CDH4: variants seen among roughly 807,000 people sequenced by gnomAD.
CDH4 encodes cadherin-4.
A neutral mutation model predicts 86.0 loss-of-function variants in CDH4; 33 were observed. That is an observed-to-expected ratio of 0.38 (90% confidence interval 0.29 to 0.51). The LOEUF (loss-of-function observed/expected upper bound fraction) is 0.51. Among genes scored for constraint, CDH4 ranks in the 20% least tolerant of loss-of-function variants. The pLI is 0.86. For missense variants in CDH4, 1,114 were observed against 1,307.4 expected (o/e 0.85, Z 2.28); for synonymous variants, 555 against 549.4 (o/e 1.01, Z -0.14).
At chr20:61,371,840 C>A (rs1450796452) in intron 2 of CDH4, among the ~76,000 whole-genome samples, 1 of 152,228 alleles carries the variant, frequency 6.6e-6, no homozygotes, top group Non-Finnish European at 1.5e-5. Context: ...AATCTGAAAT[C>A]TTTTCCTGCG....
chr20:61,307,465 C>T (rs1482070504), intron 2 of CDH4, among the ~76,000 whole-genome samples: 3 of 152,248 alleles, frequency 2.0e-5, no homozygotes, highest in Admixed American at 2.0e-4. Context: ...CTCCAACACA[C>T]GTTGCGCGTA....
chr20:61,686,026 A>G (rs1197472794), intron 2 of CDH4, among the ~76,000 whole-genome samples: 2 of 152,240 alleles, frequency 1.3e-5, no homozygotes, highest in African/African-American at 4.8e-5. Flanking sequence ...GAAGGCAAAA[A>G]TAATGTCAAT....
chr20:61,911,513 A>G (rs1027641707), intron 9 of CDH4, among the ~76,000 whole-genome samples: 1 of 152,260 alleles, frequency 6.6e-6, no homozygotes, highest in East Asian at 1.9e-4. Context: ...CTAAGAAGAA[A>G]AGAGCAAGAG....
chr20:61,409,333 A>T (rs1475376782), intron 2 of CDH4, among the ~76,000 whole-genome samples: 1 of 152,262 alleles, frequency 6.6e-6, no homozygotes, highest in Non-Finnish European at 1.5e-5. Flanking sequence ...CAGACTCAGC[A>T]TCAAAAGGGG....
At chr20:61,729,000 G>A (rs2088146316) in intron 2 of CDH4, among the ~76,000 whole-genome samples, 1 of 152,166 alleles carries the variant, frequency 6.6e-6, no homozygotes, top group African/African-American at 2.4e-5. Context: ...GGCAGCAGCG[G>A]TGCCCCGATG....
At chr20:61,502,610 C>T (rs944716876) in intron 2 of CDH4, among the ~76,000 whole-genome samples, 1 of 152,170 alleles carries the variant, frequency 6.6e-6, no homozygotes, top group African/African-American at 2.4e-5. Context: ...TCCCTCTAAC[C>T]CTGATACTGC....
chr20:61,516,176 C>T lies in CDH4; in HGVS notation c.170-227387C>T, dbSNP rs892806945. On this transcript the variant is annotated intron_variant, in intron 2 of 15. Transcript: ENST00000614565. This position sits in a 1 kb window ranked among gnomAD's most constrained non-coding sequence, Gnocchi z 4.0. ...CCCTTGGGCCGTGGGCCGGAGGGGA[C>T]GCTGGCCACCTCTCTTACCCTAGAA... Among the ~76,000 whole-genome samples, 3 of 152,166 alleles carry T rather than the reference C, an allele frequency of 2.0e-5. No individual in the cohort carries two copies. Among genetic ancestry groups the T allele is most frequent in the Non-Finnish European group, 4.4e-5 (3 of 68,018 alleles).
intron 2 of CDH4, among the ~76,000 whole-genome samples, chr20:61,487,538 G>A (rs1055240636): frequency 3.3e-5 from 5 of 152,210 alleles, no homozygotes; most frequent in African/African-American, 1.2e-4. Context: ...CAGGGAGTTT[G>A]TGTCTCAACT....
intron 2 of CDH4, among the ~76,000 whole-genome samples, chr20:61,634,629 G>A (rs1022040718): frequency 9.2e-5 from 14 of 152,228 alleles, no homozygotes; most frequent in African/African-American, 3.4e-4. Context: ...GGCCGCCCCA[G>A]CCCGTTGCTG....
intron 2 of CDH4, among the ~76,000 whole-genome samples, chr20:61,599,247 G>A (rs1382178050): frequency 1.3e-5 from 2 of 152,142 alleles, no homozygotes; most frequent in African/African-American, 4.8e-5. Context: ...TGCAGCCAAG[G>A]GCTGTGCCCT....
At position 61,286,293 on chromosome 20, in the gene CDH4, G is replaced by A. The variant is rs552061886; in HGVS notation, c.169+31356G>A. 3.3e-5 allele frequency among the ~76,000 whole-genome samples: 5 copies of A among 152,364 alleles called. No homozygotes were observed. In the East Asian group the frequency reaches 9.6e-4, roughly 29 times the overall value. ...GTTCAAAGCCAGACCTAAGTCCAGA[G>A]GAGTGCGTGTGCTGGGACTGGGGTT... is the stretch of plus-strand genomic sequence containing the variant. On this transcript the variant is annotated intron_variant, in intron 2 of 15. Coordinates refer to ENST00000614565, the MANE Select transcript of CDH4 (RefSeq NM_001794.5).
chr20:61,540,324 GT>G (rs1374954628), intron 2 of CDH4, among the ~76,000 whole-genome samples: 1 of 152,200 alleles, frequency 6.6e-6, no homozygotes, highest in African/African-American at 2.4e-5. Context: ...CTTTGACATG[GT>G]TCTTGTGCTC....
In CDH4 at chr20:61,252,956, C is replaced by T. The variant is rs1388325100; in HGVS notation, c.57+386C>T. On this transcript the variant is annotated intron_variant, in intron 1 of 15. Transcript: ENST00000614565. This position sits in a 1 kb window ranked among gnomAD's most constrained non-coding sequence, Gnocchi z 4.4. ...CCTCCATCGCCCGGGAGCCGCGCGC[C>T]GCGGGAGTTGCCGAGCCCAGCCCCG... is the stretch of plus-strand genomic sequence containing the variant. Among the ~76,000 whole-genome samples the T allele has an allele frequency of 2.6e-5, 4 of 151,882 alleles. No individual in the cohort carries two copies. The highest frequency in any genetic ancestry group is 6.6e-5 in the Admixed American group (1 of 15,254).
intron 3 of CDH4, among the ~76,000 whole-genome samples, chr20:61,759,923 T>C (rs544004688): frequency 3.3e-5 from 5 of 152,178 alleles, no homozygotes; most frequent in East Asian, 1.9e-4. Flanking sequence ...AATGCCGAGG[T>C]TGAGAAACCT....
chr20:61,458,751 C>T (rs1209425464), intron 2 of CDH4, among the ~76,000 whole-genome samples: 1 of 151,418 alleles, frequency 6.6e-6, no homozygotes, highest in Non-Finnish European at 1.5e-5. Context: ...ACAATGGTGA[C>T]AGTGGTGGTA....
chr20:61,695,314 C>T (rs1368075312), intron 2 of CDH4, among the ~76,000 whole-genome samples: 1 of 152,270 alleles, frequency 6.6e-6, no homozygotes, highest in African/African-American at 2.4e-5. Flanking sequence ...GAACCAGCTT[C>T]ATTTCATTCT....
chr20:61,711,084 G>A (rs937888595), intron 2 of CDH4, among the ~76,000 whole-genome samples: 1 of 152,190 alleles, frequency 6.6e-6, no homozygotes, highest in Non-Finnish European at 1.5e-5. Context: ...GAGGTAATTG[G>A]ATCATAGGGG....
intron 2 of CDH4, among the ~76,000 whole-genome samples, chr20:61,737,888 G>A (rs2088284370): frequency 1.3e-5 from 2 of 152,234 alleles, no homozygotes; most frequent in South Asian, 2.1e-4. Context: ...GAGACAGGAG[G>A]CTGTGGTTGG....
At chr20:61,672,665 A>G (rs142772296) in intron 2 of CDH4, among the ~76,000 whole-genome samples, 1 of 152,292 alleles carries the variant, frequency 6.6e-6, no homozygotes, top group Non-Finnish European at 1.5e-5. Context: ...TGGGGTGGAC[A>G]GTGAGGCATC....
Sources: gnomAD v4.1 joint callset for allele counts (sites outside exome capture counted in the v4.1 genomes callset) on GRCh38, gnomAD v4.1.1 for gene constraint, Gnocchi (gnomAD v3.1) non-coding constraint, MANE v1.5 for transcripts, NCBI Gene and HGNC (gene_info 2026-07-23, HGNC 2026-07-21) for gene names.